KTN1: variants seen among roughly 807,000 people sequenced by gnomAD.
KTN1 encodes kinectin 1, also known as kinectin.
In KTN1, 130 loss-of-function variants were observed where a neutral mutation model predicts 222.5. That is an observed-to-expected ratio of 0.58 (90% confidence interval 0.51 to 0.68). The LOEUF (loss-of-function observed/expected upper bound fraction) is 0.68. KTN1 is among the 30% of genes least tolerant of loss of function. The pLI, the probability that KTN1 is intolerant of heterozygous loss-of-function variation, is 0.00. For missense variants in KTN1, 1,508 were observed against 1,500.4 expected (o/e 1.01, Z -0.08); for synonymous variants, 512 against 496.3 (o/e 1.03, Z -0.42).
intron 4 of KTN1, among the ~76,000 whole-genome samples, 197 bp from the exon 5 acceptor site, chr14:55,618,985 T>A (rs1869887158): frequency 6.6e-6 from 1 of 152,226 alleles, no homozygotes; most frequent in South Asian, 2.1e-4. Flanking sequence ...CTAATGTAAT[T>A]ATTCCGTATT....
chr14:55,643,225 C>T (rs186067654), intron 18 of KTN1, among the ~76,000 whole-genome samples: 2 of 152,140 alleles, frequency 1.3e-5, no homozygotes, highest in African/African-American at 4.8e-5. Flanking sequence ...TTATTTTTGT[C>T]TTATTTCCTT....
intron 39 of KTN1, 69 bp downstream of exon 39, chr14:55,673,081 G>C (rs1409509707): frequency 2.0e-6 from 3 of 1,502,150 alleles, no homozygotes; most frequent in South Asian, 1.1e-5. Context: ...TGATATTTCA[G>C]TATAAGTTGT....
In KTN1 at chr14:55,667,451, G is replaced by A; in HGVS notation, c.3267+121G>A. ...TGCTGATTTCTTGATCTTTCCTATT[G>A]TTAAGCTGGTGCTTTTCAGTAAAGA... is the stretch of plus-strand genomic sequence containing the variant. On this transcript the variant is annotated intron_variant, in intron 34 of 43. Coordinates refer to ENST00000395314, the MANE Select transcript of KTN1 (RefSeq NM_001079521.2). The A allele has an allele frequency of 1.2e-5, 6 of 511,632 alleles. No individual in the cohort carries two copies. The South Asian group carries it at 2.0e-4, about 17-fold the overall frequency. The allele number at this position is 511,632 out of a possible 1,614,324, so 31.7% of individuals were successfully genotyped here.
intron 1 of KTN1, among the ~76,000 whole-genome samples, chr14:55,598,505 TA>T (rs71131298): frequency 0.062 from 9,127 of 148,244 alleles, 380 homozygotes; most frequent in South Asian, 0.09. Flanking sequence ...TACTGTTCAT[TA>T]AAAAAAAAAA....
At chr14:55,609,789 A>G (rs888786243) in intron 1 of KTN1, among the ~76,000 whole-genome samples, 12 of 151,532 alleles carry the variant, frequency 7.9e-5, no homozygotes, top group Non-Finnish European at 1.6e-4. Flanking sequence ...CAAAGCAAAA[A>G]CTCGAAGCAT....
intron 43 of KTN1, chr14:55,681,318 A>C (rs574139392): frequency 2.0e-5 from 3 of 152,424 alleles, no homozygotes; most frequent in Non-Finnish European, 4.4e-5. Context: ...GAAGGGTTTC[A>C]TTTCTAGAGA....
intron 7 of KTN1, among the ~76,000 whole-genome samples, chr14:55,632,304 C>T (rs1040823043): frequency 6.6e-6 from 1 of 152,264 alleles, no homozygotes; most frequent in East Asian, 1.9e-4. Flanking sequence ...TTACAGAGGT[C>T]AGGATATAGA....
At chr14:55,588,176 G>A (rs979450404) in intron 1 of KTN1, among the ~76,000 whole-genome samples, 1 of 152,068 alleles carries the variant, frequency 6.6e-6, no homozygotes, top group Non-Finnish European at 1.5e-5. Flanking sequence ...TACGTTATAT[G>A]TATTATATAC....
At chr14:55,678,178 G>C (rs1245787633) in intron 41 of KTN1, among the ~76,000 whole-genome samples, 174 bp from the exon 42 acceptor site, 1 of 152,112 alleles carries the variant, frequency 6.6e-6, no homozygotes. Context: ...TAAAAACAGT[G>C]AACATATGTT....
intron 41 of KTN1, among the ~76,000 whole-genome samples, chr14:55,676,711 T>C (rs1339304855): frequency 6.6e-6 from 1 of 152,226 alleles, no homozygotes; most frequent in Non-Finnish European, 1.5e-5. Flanking sequence ...TTCTAATAGA[T>C]TTTAAAAGTT....
intron 5 of KTN1, 37 bp downstream of exon 5, chr14:55,619,349 C>T (rs2038821320): frequency 6.2e-7 from 1 of 1,603,806 alleles, no homozygotes; most frequent in Non-Finnish European, 8.5e-7. Flanking sequence ...TATTCATGAC[C>T]AGTCATTAGA....
chr14:55,589,720 A>G (rs2033752853), intron 1 of KTN1, among the ~76,000 whole-genome samples: 1 of 132,678 alleles, frequency 7.5e-6, no homozygotes, highest in African/African-American at 2.8e-5. Flanking sequence ...GTGCAGTGGC[A>G]CGATCTCTGC....
intron 18 of KTN1, among the ~76,000 whole-genome samples, chr14:55,645,517 T>C (rs749604043): frequency 3.5e-4 from 53 of 152,200 alleles, no homozygotes; most frequent in Non-Finnish European, 1.3e-4. Context: ...GCAGGTAACT[T>C]AGACTTAATA....
At chr14:55,647,352 C>G (rs2042466305) in intron 19 of KTN1, among the ~76,000 whole-genome samples, 1 of 151,934 alleles carries the variant, frequency 6.6e-6, no homozygotes, top group Non-Finnish European at 1.5e-5. Context: ...ATATCATTAA[C>G]TGCTGGGCGT....
chr14:55,615,593 G>C (rs2038234200), intron 2 of KTN1, among the ~76,000 whole-genome samples: 1 of 152,210 alleles, frequency 6.6e-6, no homozygotes, highest in African/African-American at 2.4e-5. Context: ...AAGGAGTAAT[G>C]AGTATTTGTA....
intron 17 of KTN1, 139 bp from the exon 18 acceptor site, chr14:55,641,553 T>G: frequency 1.4e-6 from 1 of 696,542 alleles, no homozygotes; most frequent in South Asian, 1.6e-5. Context: ...GAAATTTGAA[T>G]TATGTCAGTG....
intron 34 of KTN1, 47 bp from the exon 35 acceptor site, chr14:55,670,680 ATT>A: frequency 8.0e-7 from 1 of 1,243,476 alleles, no homozygotes; most frequent in Admixed American, 2.1e-5. Flanking sequence ...TTTTATTTGG[ATT>A]TTTTTTTTCT....
intron 3 of KTN1, 116 bp downstream of exon 3, chr14:55,616,770 C>T (rs1429949953): frequency 2.6e-6 from 2 of 759,892 alleles, no homozygotes; most frequent in Non-Finnish European, 2.1e-6. Context: ...CTAATGACAA[C>T]TGTAATACTA....
chr14:55,607,177 T>G (rs925501483), intron 1 of KTN1, among the ~76,000 whole-genome samples: 27 of 152,240 alleles, frequency 1.8e-4, no homozygotes, highest in African/African-American at 6.0e-4. Context: ...CTGAGAAGTT[T>G]GTAAAATTTA....
Sources: allele counts gnomAD v4.1 joint callset (sites outside exome capture counted in the v4.1 genomes callset), GRCh38; gene constraint gnomAD v4.1.1; transcripts MANE v1.5; gene names NCBI Gene and HGNC (gene_info 2026-07-23, HGNC 2026-07-21).